The following OARD1 variants were observed in gnomAD, a reference collection of about 807,000 sequenced individuals.
The protein encoded by OARD1 is O-acyl-ADP-ribose deacylase 1.
OARD1 carries 19 observed loss-of-function variants against 19.7 expected under a neutral mutation model. The observed-to-expected ratio is 0.96, with a 90% CI of 0.67 to 1.41. OARD1 has a LOEUF of 1.41. OARD1 is among the 40% of genes most tolerant of loss of function. The pLI, the probability that OARD1 is intolerant of heterozygous loss-of-function variation, is 0.00. For synonymous variants in OARD1, 70 were observed against 61.8 expected, an observed-to-expected ratio of 1.13 and a Z score of -0.62; for missense variants, 190 against 183.8, an observed-to-expected ratio of 1.03 and a Z score of -0.20.
In OARD1 at chr6:41,090,733, G is replaced by T. The variant is rs192433899; in HGVS notation, c.-42+6980C>A. On this transcript the variant is annotated intron_variant, in intron 1 of 4. Transcript: ENST00000480585. The stretch of plus-strand genomic sequence containing the variant: ...TTTTACTAAGAAGGGTCCTCAAAGA[G>T]CCTCTAGTCTAGTAAGAAAGACGTG... Among the ~76,000 whole-genome samples, 328 of 152,244 alleles carry T rather than the reference G, an allele frequency of 2.2e-3. 1 individual carries two copies. Among genetic ancestry groups the T allele is most frequent in the African/African-American group, 7.6e-3 (317 of 41,520 alleles).
intron 1 of OARD1, among the ~76,000 whole-genome samples, chr6:41,080,081 C>T (rs559773595): frequency 1.3e-5 from 2 of 152,232 alleles, no homozygotes; most frequent in South Asian, 2.1e-4. Flanking sequence ...CAGAATTTGC[C>T]ATTAGTGGAT....
chr6:41,068,728 G>A (rs1763157274), intron 5 of OARD1, 113 bp downstream of exon 5: 18 of 621,874 alleles, frequency 2.9e-5, no homozygotes, highest in Non-Finnish European at 3.9e-5. Flanking sequence ...TTTGACTTTT[G>A]TCCACCTTTA....
At position 41,071,576 on chromosome 6, in the gene OARD1, A is replaced by C. The variant is rs1298937675; in HGVS notation, c.39+20T>G. 1.2e-6 allele frequency: 2 copies of C among 1,600,238 alleles called. No individual in the cohort carries two copies. The highest frequency in any genetic ancestry group is 2.2e-5 in the South Asian group (2 of 90,792). On this transcript the variant is annotated intron_variant, in intron 2 of 5. Coordinates refer to ENST00000424266, the MANE Select transcript of OARD1 (RefSeq NM_001329686.2). ...TATTACGAATTTCAGTTCACCAATA[A>C]GTCAATAGTTGTTACGCACTCTGCT...
chr6:41,086,740 T>A (rs577752222), intron 1 of OARD1, among the ~76,000 whole-genome samples: 82 of 152,198 alleles, frequency 5.4e-4, no homozygotes, highest in Middle Eastern at 3.4e-3. Flanking sequence ...AAGAAATAGA[T>A]AGAAGAATAT....
upstream of OARD1, among the ~76,000 whole-genome samples, chr6:41,073,721 C>T (rs1186800025): frequency 6.6e-6 from 1 of 152,090 alleles, no homozygotes; most frequent in East Asian, 1.9e-4. Flanking sequence ...TATGGGCCCG[C>T]CCCCGCTGTC....
chr6:41,071,381 C>T, intron 2 of OARD1, 105 bp from the exon 3 acceptor site: 1 of 1,187,316 alleles, frequency 8.4e-7, no homozygotes, highest in African/African-American at 1.5e-5. Flanking sequence ...CCCGGCACCC[C>T]TTCCTCCAAT....
intron 5 of OARD1, among the ~76,000 whole-genome samples, chr6:41,068,349 G>A (rs907608055): frequency 2.0e-5 from 3 of 152,262 alleles, no homozygotes; most frequent in Admixed American, 6.5e-5. Context: ...GTTACATCAG[G>A]GACAGATCCT....
At chr6:41,096,878 C>T (rs2113826578) in intron 1 of OARD1, among the ~76,000 whole-genome samples, 2 of 152,306 alleles carry the variant, frequency 1.3e-5, no homozygotes, top group South Asian at 4.1e-4. Flanking sequence ...ATCACTTTAC[C>T]CATCTGGCCT....
intron 1 of OARD1, 155 bp from the exon 2 acceptor site, chr6:41,071,830 G>T (rs1333922384): frequency 1.3e-5 from 7 of 556,136 alleles, no homozygotes; most frequent in Non-Finnish European, 2.3e-5. Flanking sequence ...AAACCCTTCT[G>T]GGGCAAAGAG....
chr6:41,071,232 G>C lies in OARD1; in HGVS notation c.84C>G (p.Asp28Glu). The C allele has an allele frequency of 6.2e-7, 1 of 1,614,066 alleles. No homozygotes were observed. Among genetic ancestry groups the C allele is most frequent in the Admixed American group, 1.7e-5 (1 of 60,034 alleles). The change falls in exon 3 of 6, where the codon GAC (aspartate) becomes GAG (glutamate). Residue 28 changes from aspartate to glutamate, a missense_variant. Physicochemically the swap from Asp to Glu is conservative, Grantham distance 45. Transcript: ENST00000424266. ...CCTCACTGATACAGTGGGCTAAAGA[G>C]TCTGTTTTCGGGCATGCAAAAAGGT... The part of the protein sequence containing the change: ...KGDLFACPKT[D>E]SLAHCISEDC...
At chr6:41,073,335 G>A (rs930488363), upstream of OARD1, among the ~76,000 whole-genome samples, 38 of 151,776 alleles carry the variant, frequency 2.5e-4, no homozygotes, top group African/African-American at 8.7e-4. Flanking sequence ...TCGGGGCTCC[G>A]ACCCTCGCAG....
At chr6:41,095,528 T>C (rs1429432984) in intron 1 of OARD1, among the ~76,000 whole-genome samples, 1 of 152,188 alleles carries the variant, frequency 6.6e-6, no homozygotes, top group Non-Finnish European at 1.5e-5. Flanking sequence ...ACCTCCCAGC[T>C]CAAGTGATCC....
At chr6:41,094,577 G>A in intron 1 of OARD1, 1 of 1,033,186 alleles carries the variant, frequency 9.7e-7, no homozygotes, top group Non-Finnish European at 1.5e-6. Flanking sequence ...GTGTCCTCTT[G>A]CTATTTTCCT....
intron 1 of OARD1, among the ~76,000 whole-genome samples, chr6:41,091,045 C>G (rs563557235): frequency 2.6e-4 from 39 of 152,290 alleles, no homozygotes; most frequent in African/African-American, 7.9e-4. Flanking sequence ...AGAGCTCAAA[C>G]AGAATGGTGA....
intron 1 of OARD1, among the ~76,000 whole-genome samples, chr6:41,082,680 A>T (rs1040756673): frequency 2.0e-5 from 3 of 152,184 alleles, no homozygotes; most frequent in Non-Finnish European, 2.9e-5. Flanking sequence ...TTTTGGGAGA[A>T]TTTTAAATAG....
chr6:41,080,351 T>C (rs1183098262), intron 1 of OARD1, among the ~76,000 whole-genome samples: 3 of 152,072 alleles, frequency 2.0e-5, no homozygotes, highest in Admixed American at 1.3e-4. Flanking sequence ...AGCATTGACG[T>C]CATGAAGATG....
chr6:41,066,304 C>CT lies in OARD1; in HGVS notation c.*1030dup, dbSNP rs201107291. On this transcript the variant is annotated 3_prime_UTR_variant, in exon 6 of 6. Transcript: ENST00000424266. Reference sequence around the variant, plus strand: ...ACCAGGCCCAGCTAATTTTTAATTTCTTTTTTTTTTGTAGAGACAGGGTCT... The same window carrying CT: ...ACCAGGCCCAGCTAATTTTTAATTTCTTTTTTTTTTTGTAGAGACAGGGTCT... 0.029 allele frequency: 4,264 copies of CT among 148,764 alleles called. 172 individuals carry two copies. The highest frequency in any genetic ancestry group is 0.092 in the African/African-American group (3,736 of 40,630). The allele number at this position is 148,764 out of a possible 1,614,324, so 9.2% of individuals were successfully genotyped here. A position where few individuals can be genotyped will look rare whatever the true frequency, so the allele number is the denominator to read the frequency against.
chr6:41,070,185 A>G (rs1484322900), intron 3 of OARD1, 51 bp from the exon 4 acceptor site: 2 of 953,492 alleles, frequency 2.1e-6, no homozygotes, highest in Admixed American at 2.1e-5. Context: ...CCAAACACTG[A>G]TCTCTAAAGA....
chr6:41,078,184 A>G (rs1446965849), intron 1 of OARD1, among the ~76,000 whole-genome samples: 1 of 152,206 alleles, frequency 6.6e-6, no homozygotes, highest in Non-Finnish European at 1.5e-5. Flanking sequence ...TTTAGATATC[A>G]ATACACTTCT....
Sources: gnomAD v4.1 joint callset for allele counts (sites outside exome capture counted in the v4.1 genomes callset) on GRCh38, gnomAD v4.1.1 for gene constraint, MANE v1.5 for transcripts, NCBI Gene and HGNC (gene_info 2026-07-23, HGNC 2026-07-21) for gene names.